ERBB4: variants seen among roughly 807,000 people sequenced by gnomAD.
ERBB4 encodes the protein erb-b2 receptor tyrosine kinase 4.
In ERBB4, 42 loss-of-function variants were observed where a neutral mutation model predicts 158.0. The ratio of observed to expected loss-of-function variants is 0.27; its 90% CI spans 0.21 to 0.34. The LOEUF (loss-of-function observed/expected upper bound fraction) is 0.34, where lower values mean the gene tolerates loss of function less well. Ranked by LOEUF, ERBB4 falls within the 10% of genes least tolerant of loss-of-function variation. ERBB4 has a pLI of 1.00. For synonymous variants in ERBB4, 583 were observed against 558.7 expected, an observed-to-expected ratio of 1.04 and a Z score of -0.61; for missense variants, 1,333 against 1,624.1, an observed-to-expected ratio of 0.82 and a Z score of 3.08.
intron 25 of ERBB4, among the ~76,000 whole-genome samples, chr2:211,419,219 A>G (rs758314773): frequency 2.0e-5 from 3 of 152,108 alleles, no homozygotes; most frequent in Non-Finnish European, 4.4e-5. Flanking sequence ...GACACCAGTC[A>G]TATCACCTGA....
intron 4 of ERBB4, among the ~76,000 whole-genome samples, chr2:211,756,181 T>C (rs1010177067): frequency 2.0e-5 from 3 of 152,066 alleles, no homozygotes; most frequent in Admixed American, 2.0e-4. Flanking sequence ...GTCCAGGAAA[T>C]AGGCAGAGGA....
intron 1 of ERBB4, among the ~76,000 whole-genome samples, chr2:212,420,897 T>C (rs1174359311): frequency 6.6e-6 from 1 of 152,184 alleles, no homozygotes; most frequent in Non-Finnish European, 1.5e-5. Flanking sequence ...ACTGAAAGAA[T>C]GGCTAGATGA....
chr2:212,156,490 C>T lies in ERBB4; in HGVS notation c.83-31587G>A, dbSNP rs567961230. Among the ~76,000 whole-genome samples the T allele has an allele frequency of 1.5e-4, 23 of 152,162 alleles. No individual in the cohort carries two copies. The South Asian group carries it at 1.7e-3, about 11-fold the overall frequency. On this transcript the variant is annotated intron_variant, in intron 1 of 27. Coordinates refer to ENST00000342788, the MANE Select transcript of ERBB4 (RefSeq NM_005235.3). The stretch of plus-strand genomic sequence containing the variant: ...GACATCAAAAATTGTCAGCCCGAGG[C>T]GGGGAAGCACGCATACCCAACCAAG...
intron 3 of ERBB4, among the ~76,000 whole-genome samples, chr2:211,858,840 T>C (rs2077938867): frequency 6.6e-6 from 1 of 152,174 alleles, no homozygotes; most frequent in African/African-American, 2.4e-5. Flanking sequence ...TGGAGTGCAG[T>C]GGTGCGATCT....
At chr2:212,193,313 T>C (rs2105883889) in intron 1 of ERBB4, among the ~76,000 whole-genome samples, 1 of 152,258 alleles carries the variant, frequency 6.6e-6, no homozygotes, top group African/African-American at 2.4e-5. Context: ...TGTCACTCTG[T>C]AGGCTCAAGT....
At chr2:212,043,789 C>A (rs2077195574) in intron 2 of ERBB4, among the ~76,000 whole-genome samples, 2 of 152,064 alleles carry the variant, frequency 1.3e-5, no homozygotes, top group Non-Finnish European at 1.5e-5. Flanking sequence ...GTTATTTAAT[C>A]TTCCTAAGTC....
intron 1 of ERBB4, among the ~76,000 whole-genome samples, chr2:212,228,443 A>G (rs1224182103): frequency 1.3e-5 from 2 of 152,204 alleles, no homozygotes; most frequent in East Asian, 3.8e-4. Context: ...GATAATTTAT[A>G]ATTAAAATCA....
At position 211,991,885 on chromosome 2, in the gene ERBB4, C is replaced by G. The variant is rs547953898; in HGVS notation, c.235-44269G>C. ...TCAGTAGAAGTACAATGGGGTGACA[C>G]AGTAAAACTTAAGTTCACAGGCTAT... On this transcript the variant is annotated intron_variant, in intron 2 of 27. Coordinates refer to ENST00000342788, the MANE Select transcript of ERBB4 (RefSeq NM_005235.3). Among the ~76,000 whole-genome samples the G allele has an allele frequency of 4.6e-5, 7 of 152,184 alleles. No individual in the cohort carries two copies. In the South Asian group the frequency reaches 1.2e-3, roughly 27 times the overall value.
intron 19 of ERBB4, among the ~76,000 whole-genome samples, chr2:211,609,503 T>G (rs1344185705): frequency 6.6e-6 from 1 of 152,192 alleles, no homozygotes; most frequent in East Asian, 1.9e-4. Flanking sequence ...ATTTTCCCTG[T>G]ATCTTTGGGT....
chr2:211,415,236 C>G (rs2063361771), intron 25 of ERBB4, among the ~76,000 whole-genome samples: 1 of 150,744 alleles, frequency 6.6e-6, no homozygotes, highest in Non-Finnish European at 1.5e-5. Flanking sequence ...CCTGCCTCAG[C>G]CTCCCGAGTA....
chr2:211,734,011 C>T (rs73085030), intron 5 of ERBB4, among the ~76,000 whole-genome samples: 13,556 of 152,018 alleles, frequency 0.089, 1,758 homozygotes, highest in African/African-American at 0.29. Flanking sequence ...CACTGTCCTC[C>T]AGCCTGGGCC....
At chr2:211,412,063 A>C (rs1334240630) in intron 25 of ERBB4, among the ~76,000 whole-genome samples, 6 of 151,970 alleles carry the variant, frequency 3.9e-5, no homozygotes, top group African/African-American at 1.5e-4. Flanking sequence ...GAAACAGAAG[A>C]TAGGAATTTG....
intron 3 of ERBB4, among the ~76,000 whole-genome samples, chr2:211,824,410 T>C (rs2105950845): frequency 6.6e-6 from 1 of 152,138 alleles, no homozygotes; most frequent in Non-Finnish European, 1.5e-5. Flanking sequence ...TAGGAAATAA[T>C]TCAGGCAAGC....
At chr2:212,312,176 C>T (rs1664086570) in intron 1 of ERBB4, among the ~76,000 whole-genome samples, 1 of 150,926 alleles carries the variant, frequency 6.6e-6, no homozygotes, top group African/African-American at 2.4e-5. Context: ...AAATGACTTT[C>T]CCTTCAAGGA....
chr2:211,387,138 A>G lies in ERBB4; in HGVS notation c.3196T>C (p.Tyr1066His), dbSNP rs878936823. 5 of 1,613,340 alleles carry G rather than the reference A, an allele frequency of 3.1e-6. No homozygotes were observed. The highest frequency in any genetic ancestry group is 3.4e-6 in the Non-Finnish European group (4 of 1,179,232). The part of the protein sequence containing the change: ...YTPMSGNQFV[Y>H]RDGGFAAEQG... ...TCAGCAGCAAAACCTCCATCTCGGTATACAAACTGGTTCTGTTAATAAGAG... is the reference window on the plus strand; with the variant it reads ...TCAGCAGCAAAACCTCCATCTCGGTGTACAAACTGGTTCTGTTAATAAGAG... Residue 1066 changes from tyrosine (Y) to histidine (H), a missense_variant, in exon 27 of 28, where the codon TAC (tyrosine) becomes CAC (histidine). Tyr to His is a moderately conservative substitution (Grantham distance 83). Around this residue, in one of 5 missense-constraint regions of ERBB4, gnomAD observed 252 missense variants for 241.3 expected, o/e 1.04. Transcript: ENST00000342788.
intron 21 of ERBB4, among the ~76,000 whole-genome samples, chr2:211,429,027 A>ATTT (rs2063695233): frequency 5.4e-5 from 8 of 149,162 alleles, no homozygotes; most frequent in African/African-American, 1.5e-4. Context: ...TATTTTTTTA[A>ATTT]AAAAAAAGCT....
chr2:211,438,967 G>T (rs1371112616), intron 20 of ERBB4, among the ~76,000 whole-genome samples: 1 of 150,208 alleles, frequency 6.7e-6, no homozygotes, highest in African/African-American at 2.5e-5. Context: ...ATTTTTCACA[G>T]ATAGTCCCAA....
chr2:211,744,043 C>T (rs1246836649), intron 5 of ERBB4, among the ~76,000 whole-genome samples: 5 of 152,068 alleles, frequency 3.3e-5, no homozygotes, highest in Non-Finnish European at 7.4e-5. Flanking sequence ...TTTACAAGCA[C>T]AATCTACTTA....
chr2:212,288,309 T>C (rs1217471323), intron 1 of ERBB4, among the ~76,000 whole-genome samples: 2 of 152,068 alleles, frequency 1.3e-5, no homozygotes, highest in East Asian at 1.9e-4. Context: ...AAAAGGAGAA[T>C]AGGTTAGTGT....
Sources: allele counts gnomAD v4.1 joint callset (sites outside exome capture counted in the v4.1 genomes callset), GRCh38; gene constraint gnomAD v4.1.1; regional missense constraint gnomAD v4.1.1; transcripts MANE v1.5; gene names NCBI Gene and HGNC (gene_info 2026-07-23, HGNC 2026-07-21).